Variants in DNAJB4 observed in about 807,000 individuals in gnomAD.
DNAJB4 encodes dnaJ homolog subfamily B member 4.
A neutral mutation model predicts 26.6 loss-of-function variants in DNAJB4; 10 were observed. The ratio of observed to expected loss-of-function variants is 0.38; its 90% CI spans 0.23 to 0.64. DNAJB4 has a LOEUF of 0.64. DNAJB4 is among the 30% of genes least tolerant of loss of function. The probability of loss-of-function intolerance (pLI) is 0.58; values close to 1 mark genes in which losing one functional copy is unlikely to be tolerated. For missense variants in DNAJB4, 328 were observed against 408.2 expected (o/e 0.80, Z 1.69); for synonymous variants, 136 against 134.8 (o/e 1.01, Z -0.06).
chr1:78,000,248 G>T (rs1376254373), upstream of DNAJB4, among the ~76,000 whole-genome samples: 6 of 152,322 alleles, frequency 3.9e-5, no homozygotes, highest in South Asian at 4.1e-4. Flanking sequence ...TCATCATCAT[G>T]ATAAGAGTAG....
intron 1 of DNAJB4, among the ~76,000 whole-genome samples, chr1:78,010,556 T>C (rs1377979022): frequency 1.3e-5 from 2 of 152,192 alleles, no homozygotes; most frequent in Non-Finnish European, 2.9e-5. Context: ...TCAATACATA[T>C]TTTGGCAATT....
upstream of DNAJB4, chr1:78,004,298 C>T (rs942009823): frequency 6.6e-6 from 1 of 152,166 alleles, no homozygotes; most frequent in Non-Finnish European, 1.5e-5. Context: ...GAACTATGAA[C>T]TCATGTATAC....
chr1:78,014,943 A>G (rs574358228), intron 2 of DNAJB4, among the ~76,000 whole-genome samples: 2 of 152,200 alleles, frequency 1.3e-5, no homozygotes, highest in African/African-American at 4.8e-5. Context: ...GCTGTACTCT[A>G]TGGAACACTA....
At chr1:77,988,238 G>A (rs1475481474) in intron 1 of DNAJB4, among the ~76,000 whole-genome samples, 1 of 151,986 alleles carries the variant, frequency 6.6e-6, no homozygotes, top group Non-Finnish European at 1.5e-5. Flanking sequence ...GTCCAGGCTA[G>A]TCTGAAACTC....
Position 78,005,136 on chromosome 1 carries a change from T to C in DNAJB4, c.26T>C (p.Leu9Ser), listed in dbSNP as rs1315449510. ...ATGGGGAAAGACTATTATTGCATTT[T>C]GGGAATTGAGAAAGGAGCTTCAGAT... MGKDYYCI[L>S]GIEKGASDED... The change falls in exon 1 of 3, where the codon TTG becomes TCG. Residue 9 changes from leucine to serine, a missense_variant. Physicochemically the swap from Leu to Ser is moderately radical, Grantham distance 145 (BLOSUM62 -2). Transcript: ENST00000370763. The C allele has an allele frequency of 6.2e-7, 1 of 1,613,898 alleles. No homozygotes were observed. The highest frequency in any genetic ancestry group is 8.5e-7 in the Non-Finnish European group (1 of 1,179,928).
At chr1:78,008,038 C>T (rs1317893373) in intron 1 of DNAJB4, among the ~76,000 whole-genome samples, 3 of 152,074 alleles carry the variant, frequency 2.0e-5, no homozygotes, top group Non-Finnish European at 2.9e-5. Context: ...TGAATATTCA[C>T]AATTTAAAAT....
chr1:77,982,587 C>T (rs1422990966), intron 1 of DNAJB4, among the ~76,000 whole-genome samples: 4 of 152,160 alleles, frequency 2.6e-5, no homozygotes, highest in Non-Finnish European at 5.9e-5. Flanking sequence ...CACCTAAGGT[C>T]AGAAGTTCAA....
rs1361201513 is a variant in DNAJB4 at position 78,017,780 on chromosome 1, T to TG, written c.*1533_*1534insG. The TG allele has an allele frequency of 2.6e-5, 4 of 151,870 alleles. No individual in the cohort carries two copies. Among genetic ancestry groups the TG allele is most frequent in the Admixed American group, 2.6e-4 (4 of 15,224 alleles). The allele number at this position is 151,870 out of a possible 1,614,324, so 9.4% of individuals were successfully genotyped here. On this transcript the variant is annotated 3_prime_UTR_variant, in exon 3 of 3. Coordinates refer to ENST00000370763, the MANE Select transcript of DNAJB4 (RefSeq NM_007034.5). ...AAACAATATATGGCTTTTTTTTTTT[T>TG]TGGTCTGGCCTCTTTCATTTAGCTT...
chr1:78,012,059 T>C lies in DNAJB4; in HGVS notation c.212-992T>C, dbSNP rs568115686. Among the ~76,000 whole-genome samples, 12 of 149,448 alleles carry C rather than the reference T, an allele frequency of 8.0e-5. No homozygotes were observed. In the South Asian group the frequency reaches 1.3e-3, roughly 16 times the overall value. Reference sequence around the variant, plus strand: ...CCAACTGACATCTTTTAAAAACTTATATATTTATAAGTAGATACTTATATA... The same window carrying C: ...CCAACTGACATCTTTTAAAAACTTACATATTTATAAGTAGATACTTATATA... On this transcript the variant is annotated intron_variant, in intron 1 of 2. Coordinates refer to ENST00000370763, the MANE Select transcript of DNAJB4 (RefSeq NM_007034.5).
At chr1:77,993,659 C>T (rs1238749740) in intron 1 of DNAJB4, among the ~76,000 whole-genome samples, 1 of 152,136 alleles carries the variant, frequency 6.6e-6, no homozygotes, top group Non-Finnish European at 1.5e-5. Flanking sequence ...ATGTATTATA[C>T]TGTTTTATCC....
At chr1:77,981,512 C>T (rs1215269160) in intron 1 of DNAJB4, among the ~76,000 whole-genome samples, 1 of 152,120 alleles carries the variant, frequency 6.6e-6, no homozygotes, top group Admixed American at 6.6e-5. Flanking sequence ...CAGTGTTTCA[C>T]CATGTTGGCC....
intron 1 of DNAJB4, among the ~76,000 whole-genome samples, chr1:77,982,997 G>C (rs184877409): frequency 8.1e-4 from 124 of 152,308 alleles, no homozygotes; most frequent in Middle Eastern, 3.4e-3. Context: ...TGCTGAACCA[G>C]CGTTCAGCAT....
At chr1:78,014,418 A>G (rs1660579149) in intron 2 of DNAJB4, among the ~76,000 whole-genome samples, 1 of 151,666 alleles carries the variant, frequency 6.6e-6, no homozygotes, top group African/African-American at 2.4e-5. Flanking sequence ...TATTTGTACT[A>G]TTTCTCAAAT....
intron 1 of DNAJB4, among the ~76,000 whole-genome samples, chr1:77,988,576 C>G (rs75169395): frequency 6.6e-6 from 1 of 152,274 alleles, no homozygotes; most frequent in Non-Finnish European, 1.5e-5. Context: ...TCCCTCACTT[C>G]TAGGCTTTGG....
intron 1 of DNAJB4, among the ~76,000 whole-genome samples, chr1:77,993,213 A>G (rs1026099840): frequency 3.9e-5 from 6 of 152,220 alleles, no homozygotes; most frequent in African/African-American, 1.2e-4. Context: ...TGTGGGCCAT[A>G]CAGTCTCTGC....
At chr1:77,997,986 G>A (rs147211529) in intron 1 of DNAJB4, among the ~76,000 whole-genome samples, 1 of 152,192 alleles carries the variant, frequency 6.6e-6, no homozygotes, top group East Asian at 1.9e-4. Context: ...TACCGTGTTG[G>A]CTGGTCTTGA....
intron 1 of DNAJB4, among the ~76,000 whole-genome samples, chr1:77,987,930 A>G (rs1356910063): frequency 6.7e-6 from 1 of 148,468 alleles, no homozygotes; most frequent in African/African-American, 2.4e-5. Context: ...ATGTACATAT[A>G]TATACATAAA....
chr1:77,998,184 T>C (rs4130548), intron 1 of DNAJB4, among the ~76,000 whole-genome samples: 37,915 of 152,154 alleles, frequency 0.25, 6,021 homozygotes, highest in Non-Finnish European at 0.36. Context: ...ATAATGTCTA[T>C]CTAGTTAACA....
At chr1:77,984,196 G>C (rs1181566450) in intron 1 of DNAJB4, among the ~76,000 whole-genome samples, 1 of 152,156 alleles carries the variant, frequency 6.6e-6, no homozygotes, top group Non-Finnish European at 1.5e-5. Context: ...TGTTTTCTTT[G>C]CCTTGTTTCT....
Sources: allele counts gnomAD v4.1 joint callset (sites outside exome capture counted in the v4.1 genomes callset), GRCh38; gene constraint gnomAD v4.1.1; transcripts MANE v1.5; gene names NCBI Gene and HGNC (gene_info 2026-07-23, HGNC 2026-07-21).